The following PRKN variants were observed in gnomAD, a reference collection of about 807,000 sequenced individuals.
PRKN encodes the protein parkin RBR E3 ubiquitin protein ligase.
Under a neutral mutation model 59.5 loss-of-function variants are expected in PRKN, and 56 were observed. The ratio of observed to expected loss-of-function variants is 0.94; its 90% CI spans 0.76 to 1.18. The LOEUF is 1.18. Ranked by LOEUF, PRKN falls within the 50% of genes most tolerant of loss-of-function variation. The pLI is 0.00. For missense variants in PRKN, 657 were observed against 596.4 expected, an observed-to-expected ratio of 1.10 and a Z score of -1.06; for synonymous variants, 250 against 222.1, an observed-to-expected ratio of 1.13 and a Z score of -1.12.
In PRKN at chr6:162,218,565, T is replaced by G. The variant is rs7746036; in HGVS notation, c.413-17313A>C. On this transcript the variant is annotated intron_variant, in intron 3 of 11. Transcript: ENST00000366898. ...TATTTATTCGTTTATTAGTTATTAA[T>G]TTTTAAGTTTACCAGGGAAATTGCA... 6.6e-4 allele frequency among the ~76,000 whole-genome samples: 100 copies of G among 152,192 alleles called. 2 individuals are homozygous for G. In the South Asian group the frequency reaches 0.02, roughly 31 times the overall value.
At chr6:161,992,032 C>A (rs1781668411) in intron 5 of PRKN, among the ~76,000 whole-genome samples, 1 of 151,786 alleles carries the variant, frequency 6.6e-6, no homozygotes, top group African/African-American at 2.4e-5. Flanking sequence ...GATTACAAGT[C>A]AAAAAATCTA....
At chr6:162,222,883 G>C (rs1005472169) in intron 3 of PRKN, among the ~76,000 whole-genome samples, 5 of 151,150 alleles carry the variant, frequency 3.3e-5, no homozygotes, top group South Asian at 2.1e-4. Context: ...TAAGTTTTAG[G>C]GTACATGTGC....
intron 4 of PRKN, among the ~76,000 whole-genome samples, chr6:162,158,996 C>T (rs753524766): frequency 1.6e-4 from 24 of 151,978 alleles, no homozygotes; most frequent in Non-Finnish European, 3.4e-4. Context: ...CATTCAGGGC[C>T]ATCCACATAA....
intron 2 of PRKN, among the ~76,000 whole-genome samples, chr6:162,320,384 ACCAAGCATTTTAAGATCAAACAAG>A (rs1782954731): frequency 9.2e-6 from 1 of 108,722 alleles, no homozygotes; most frequent in African/African-American, 3.1e-5. Flanking sequence ...AAAAAAAAAA[ACCAAGCATTTTAAGATCAAACAAG>A]CAAAAAAAAC....
At chr6:162,204,155 AT>A (rs1784841953) in intron 3 of PRKN, among the ~76,000 whole-genome samples, 1 of 152,130 alleles carries the variant, frequency 6.6e-6, no homozygotes, top group African/African-American at 2.4e-5. Context: ...TTTTTAAGTG[AT>A]TTGGTTATTT....
intron 3 of PRKN, among the ~76,000 whole-genome samples, chr6:162,222,754 A>G (rs968878425): frequency 1.2e-4 from 19 of 152,150 alleles, no homozygotes; most frequent in African/African-American, 4.6e-4. Flanking sequence ...TGTCGTTTAA[A>G]GCCACTGCAC....
rs903125327 is a variant in PRKN, at chr6:162,011,895, C to T, written c.619-38478G>A. 3.5e-4 allele frequency among the ~76,000 whole-genome samples: 19 copies of T among 54,184 alleles called. No individual in the cohort carries two copies. The African/African-American group carries it at 3.6e-3, about 10-fold the overall frequency. The allele number at this position is 54,184 out of a possible 152,430, so 35.5% of individuals were successfully genotyped here. A position where few individuals can be genotyped will look rare whatever the true frequency, so the allele number is the denominator to read the frequency against. ...GACTAGGAAAATTGTACTATAAATG[C>T]TGTGAGAACTTTGGAGAAATAATTG... is the stretch of plus-strand genomic sequence containing the variant. On this transcript the variant is annotated intron_variant, in intron 5 of 11. Transcript: ENST00000366898.
At chr6:161,853,659 G>A (rs982944857) in intron 6 of PRKN, among the ~76,000 whole-genome samples, 1 of 152,144 alleles carries the variant, frequency 6.6e-6, no homozygotes, top group East Asian at 1.9e-4. Context: ...AAACTGAAAT[G>A]AATTCCTTTG....
At chr6:162,469,917 TAG>T (rs1194181811) in intron 1 of PRKN, among the ~76,000 whole-genome samples, 1 of 152,010 alleles carries the variant, frequency 6.6e-6, no homozygotes, top group African/African-American at 2.4e-5. Context: ...GGGTGAATGG[TAG>T]AGAAGGAGGG....
Position 161,488,778 on chromosome 6 carries a change from C to A in PRKN, c.1083+60076G>T, listed in dbSNP as rs1001841706. On this transcript the variant is annotated intron_variant, in intron 9 of 11. Transcript: ENST00000366898. This position sits in a 1 kb window ranked among gnomAD's most constrained non-coding sequence, Gnocchi z 4.5. ...GGGATTACAGGCGTAAGCCACCACA[C>A]CTGGCATAACAAGGAATTTTTGACA... Among the ~76,000 whole-genome samples the A allele has an allele frequency of 6.6e-6, 1 of 152,152 alleles. No homozygotes were observed. The highest frequency in any genetic ancestry group is 1.5e-5 in the Non-Finnish European group (1 of 68,040).
At chr6:162,391,464 G>A (rs1195923659) in intron 2 of PRKN, among the ~76,000 whole-genome samples, 4 of 149,920 alleles carry the variant, frequency 2.7e-5, no homozygotes, top group Non-Finnish European at 5.9e-5. Context: ...CGTGGATTTC[G>A]AAAATCTGCA....
chr6:161,856,628 C>A (rs1793667143), intron 6 of PRKN, among the ~76,000 whole-genome samples: 1 of 152,076 alleles, frequency 6.6e-6, no homozygotes, highest in Admixed American at 6.6e-5. Context: ...GTATTCCCTT[C>A]TCCCCAGAGA....
In PRKN at chr6:162,156,311, G is replaced by T. The variant is rs118054863; in HGVS notation, c.534+44820C>A. ...TAATAGGATTGATGTATATATGAAG[G>T]GGAGCTTATCAGGAGAACTGACTCA... On this transcript the variant is annotated intron_variant, in intron 4 of 11. Coordinates refer to ENST00000366898, the MANE Select transcript of PRKN (RefSeq NM_004562.3). Among the ~76,000 whole-genome samples the T allele has an allele frequency of 9.1e-3, 1,380 of 152,264 alleles. 14 individuals carry two copies. Among genetic ancestry groups the T allele is most frequent in the Non-Finnish European group, 0.014 (925 of 68,020 alleles).
chr6:162,563,283 G>A (rs775724382), intron 1 of PRKN, among the ~76,000 whole-genome samples: 5 of 149,610 alleles, frequency 3.3e-5, no homozygotes, highest in African/African-American at 7.4e-5. Context: ...CAGCTTCGGC[G>A]ACAGAGCGAG....
rs77620495 is a variant in PRKN at position 162,409,933 on chromosome 6, T to C, written c.171+33377A>G. 7.5e-3 allele frequency among the ~76,000 whole-genome samples: 1,146 copies of C among 152,266 alleles called. 18 individuals are homozygous for C. The highest frequency in any genetic ancestry group is 0.026 in the East Asian group (133 of 5,174). On this transcript the variant is annotated intron_variant, in intron 2 of 11. Coordinates refer to ENST00000366898, the MANE Select transcript of PRKN (RefSeq NM_004562.3). ...TCACGGGATATGTGCAACCATGCTGTTTAAAAGGGAAGAAATAAGATAAGC... is the reference window on the plus strand; with the variant it reads ...TCACGGGATATGTGCAACCATGCTGCTTAAAAGGGAAGAAATAAGATAAGC...
chr6:162,001,013 T>C (rs1330184653), intron 5 of PRKN, among the ~76,000 whole-genome samples: 3 of 152,094 alleles, frequency 2.0e-5, no homozygotes, highest in Non-Finnish European at 4.4e-5. Flanking sequence ...GTCTATTCTT[T>C]TACTATTACC....
intron 3 of PRKN, among the ~76,000 whole-genome samples, chr6:162,211,537 C>T (rs986834112): frequency 6.6e-6 from 1 of 152,028 alleles, no homozygotes; most frequent in Non-Finnish European, 1.5e-5. Context: ...TTTAAAAAAA[C>T]ATTCTAAGTG....
intron 6 of PRKN, among the ~76,000 whole-genome samples, chr6:161,911,656 A>C (rs1200327681): frequency 6.6e-6 from 1 of 152,190 alleles, no homozygotes; most frequent in Non-Finnish European, 1.5e-5. Flanking sequence ...AGAAAAGCAA[A>C]CAGAGAGTAT....
At chr6:161,427,926 C>T (rs997038981) in intron 9 of PRKN, among the ~76,000 whole-genome samples, 7 of 152,124 alleles carry the variant, frequency 4.6e-5, no homozygotes, top group Non-Finnish European at 1.0e-4. Flanking sequence ...TCACTCTTGT[C>T]GATATACCTG....
Sources: allele counts gnomAD v4.1 joint callset (sites outside exome capture counted in the v4.1 genomes callset), GRCh38; gene constraint gnomAD v4.1.1; non-coding constraint Gnocchi (gnomAD v3.1); transcripts MANE v1.5; gene names NCBI Gene and HGNC (gene_info 2026-07-23, HGNC 2026-07-21).